The following SLCO2A1 variants were observed in gnomAD, a reference collection of about 807,000 sequenced individuals.
SLCO2A1 encodes matrin F/G 1.
SLCO2A1 carries 60 observed loss-of-function variants against 71.7 expected under a neutral mutation model. That is an observed-to-expected ratio of 0.84 (90% CI 0.68 to 1.04). The LOEUF (loss-of-function observed/expected upper bound fraction) is 1.04. Among genes scored for constraint, SLCO2A1 ranks in the 50% least tolerant of loss-of-function variants. The probability of loss-of-function intolerance (pLI) is 0.00; values close to 1 mark genes in which losing one functional copy is unlikely to be tolerated. For missense variants in SLCO2A1, 745 were observed against 813.4 expected (o/e 0.92, Z 1.02); for synonymous variants, 308 against 326.7 (o/e 0.94, Z 0.62).
chr3:133,942,999 G>A (rs1933470968), intron 10 of SLCO2A1, among the ~76,000 whole-genome samples: 1 of 152,178 alleles, frequency 6.6e-6, no homozygotes, highest in East Asian at 1.9e-4. Context: ...TCTGGGCTGG[G>A]CTGGGCTCCT....
intron 1 of SLCO2A1, among the ~76,000 whole-genome samples, chr3:134,001,918 C>G (rs1469181092): frequency 6.6e-6 from 1 of 152,128 alleles, no homozygotes; most frequent in African/African-American, 2.4e-5. Flanking sequence ...GCGAGTAGAC[C>G]ACAGCGATCG....
intron 1 of SLCO2A1, among the ~76,000 whole-genome samples, chr3:133,999,499 AG>A (rs1287674572): frequency 6.6e-6 from 1 of 152,192 alleles, no homozygotes; most frequent in African/African-American, 2.4e-5. Context: ...TGCCTCCCCC[AG>A]CCCCCCAGGG....
At chr3:133,960,452 G>A (rs545974159) in intron 3 of SLCO2A1, among the ~76,000 whole-genome samples, 9 of 152,278 alleles carry the variant, frequency 5.9e-5, no homozygotes, top group African/African-American at 1.7e-4. Context: ...TGCCAGACAC[G>A]GAAAGACAAA....
At chr3:134,002,568 C>T (rs1158770848) in intron 1 of SLCO2A1, among the ~76,000 whole-genome samples, 2 of 152,210 alleles carry the variant, frequency 1.3e-5, no homozygotes, top group African/African-American at 2.4e-5. Flanking sequence ...TGAATCACTG[C>T]CCTGAGATGT....
chr3:134,027,303 G>T (rs1010286603), intron 1 of SLCO2A1, among the ~76,000 whole-genome samples: 8 of 152,186 alleles, frequency 5.3e-5, no homozygotes, highest in Admixed American at 3.3e-4. Context: ...CCGCACCCTA[G>T]CGCTGGTAGT....
chr3:133,987,972 G>A (rs1934754569), intron 1 of SLCO2A1, among the ~76,000 whole-genome samples: 1 of 152,190 alleles, frequency 6.6e-6, no homozygotes, highest in Non-Finnish European at 1.5e-5. Context: ...GGAGGAAAAG[G>A]GAGAAGAAAA....
chr3:133,955,203 G>T lies in SLCO2A1; in HGVS notation c.398-10C>A. 2 of 1,608,140 alleles carry T rather than the reference G, an allele frequency of 1.2e-6. No individual in the cohort carries two copies. Among genetic ancestry groups the T allele is most frequent in the South Asian group, 2.2e-5 (2 of 90,214 alleles). ...AAGCGGCTGTTGTTCCCTGCAACGA[G>T]AGTGCTTGCTGGTCTCCACCACCCT... is the stretch of plus-strand genomic sequence containing the variant. On this transcript the variant is annotated splice_polypyrimidine_tract_variant and intron_variant, in intron 3 of 13. Transcript: ENST00000310926.
chr3:133,963,343 C>T (rs1342186801), intron 3 of SLCO2A1, among the ~76,000 whole-genome samples: 5 of 152,248 alleles, frequency 3.3e-5, no homozygotes, highest in Admixed American at 2.6e-4. Context: ...TCCCACCCCT[C>T]GGGATGGCCA....
intron 1 of SLCO2A1, among the ~76,000 whole-genome samples, chr3:133,987,023 C>CT (rs1310284176): frequency 6.6e-6 from 1 of 152,146 alleles, no homozygotes; most frequent in Non-Finnish European, 1.5e-5. Context: ...TAATGACTGA[C>CT]TGTGCTGTCA....
chr3:133,977,822 G>A (rs1309476802), intron 2 of SLCO2A1, among the ~76,000 whole-genome samples: 3 of 152,108 alleles, frequency 2.0e-5, no homozygotes, highest in Non-Finnish European at 4.4e-5. Flanking sequence ...GTGAATGCAG[G>A]GCAGGGACAC....
chr3:134,006,388 G>A (rs1337346129), intron 1 of SLCO2A1, among the ~76,000 whole-genome samples: 1 of 152,058 alleles, frequency 6.6e-6, no homozygotes, highest in Non-Finnish European at 1.5e-5. Flanking sequence ...ACATTCACGT[G>A]TTGCGCGACC....
At chr3:133,975,176 C>T (rs1035339036) in intron 2 of SLCO2A1, among the ~76,000 whole-genome samples, 10 of 152,264 alleles carry the variant, frequency 6.6e-5, no homozygotes, top group South Asian at 4.2e-4. Flanking sequence ...TTATGCTCTG[C>T]GTGTGCTTCT....
intron 1 of SLCO2A1, among the ~76,000 whole-genome samples, chr3:133,989,525 A>G (rs899577784): frequency 1.3e-5 from 2 of 152,194 alleles, no homozygotes; most frequent in African/African-American, 2.4e-5. Context: ...TTCCACAGTT[A>G]ACTGGAACCC....
At chr3:134,017,783 G>A (rs545779247) in intron 1 of SLCO2A1, among the ~76,000 whole-genome samples, 5 of 152,300 alleles carry the variant, frequency 3.3e-5, no homozygotes, top group Admixed American at 2.0e-4. Flanking sequence ...GAAGAGGGGC[G>A]AGGCCAGGGG....
intron 1 of SLCO2A1, among the ~76,000 whole-genome samples, chr3:133,983,034 T>C (rs1225311864): frequency 1.3e-5 from 2 of 152,134 alleles, no homozygotes; most frequent in African/African-American, 2.4e-5. Context: ...ATCTCTCCCA[T>C]CCACATACAC....
chr3:133,965,913 T>A (rs1054146006), intron 3 of SLCO2A1, among the ~76,000 whole-genome samples: 1 of 152,132 alleles, frequency 6.6e-6, no homozygotes, highest in African/African-American at 2.4e-5. Context: ...CTGGGACTGA[T>A]GGAGTGGAGT....
At chr3:133,968,381 G>A (rs898152437) in intron 3 of SLCO2A1, among the ~76,000 whole-genome samples, 1 of 152,038 alleles carries the variant, frequency 6.6e-6, no homozygotes, top group African/African-American at 2.4e-5. Flanking sequence ...ATAGGTGGGT[G>A]TTCACTGTGG....
chr3:133,996,451 T>C lies in SLCO2A1; in HGVS notation c.97-16833A>G, dbSNP rs1200147287. Among the ~76,000 whole-genome samples the C allele has an allele frequency of 2.6e-5, 4 of 152,210 alleles. No homozygotes were observed. In the South Asian group the frequency reaches 8.3e-4, roughly 31 times the overall value. Reference sequence around the variant, plus strand: ...ATGGACGCCTGTCGGCTCTCCCCAGTGCTCTGCTCTGACAGTGGAGTTGCT... The same window carrying C: ...ATGGACGCCTGTCGGCTCTCCCCAGCGCTCTGCTCTGACAGTGGAGTTGCT... On this transcript the variant is annotated intron_variant, in intron 1 of 13. Transcript: ENST00000310926.
At chr3:134,027,463 C>T (rs1343477714) in intron 1 of SLCO2A1, among the ~76,000 whole-genome samples, 3 of 152,228 alleles carry the variant, frequency 2.0e-5, no homozygotes, top group East Asian at 3.8e-4. Flanking sequence ...TTTGCTCAAT[C>T]GATCACGACC....
Sources: gnomAD v4.1 joint callset for allele counts (sites outside exome capture counted in the v4.1 genomes callset) on GRCh38, gnomAD v4.1.1 for gene constraint, MANE v1.5 for transcripts, NCBI Gene and HGNC (gene_info 2026-07-23, HGNC 2026-07-21) for gene names.